Variants in ANKRD31 observed in about 807,000 individuals in gnomAD.
ANKRD31 encodes ankyrin repeat domain 31.
In ANKRD31, 147 loss-of-function variants were observed where a neutral mutation model predicts 186.0. That is an observed-to-expected ratio of 0.79 (90% CI 0.69 to 0.91). ANKRD31 has a LOEUF of 0.91. Among genes scored for constraint, ANKRD31 ranks in the 40% least tolerant of loss-of-function variants. The pLI is 0.00. For missense variants in ANKRD31, 1,986 were observed against 2,148.8 expected (o/e 0.92, Z 1.50); for synonymous variants, 673 against 736.4 (o/e 0.91, Z 1.39).
intron 4 of ANKRD31, among the ~76,000 whole-genome samples, chr5:75,208,626 T>C (rs1390845174): frequency 1.3e-5 from 2 of 152,190 alleles, no homozygotes; most frequent in Non-Finnish European, 2.9e-5. Flanking sequence ...GACAGGACAC[T>C]ATGTCCAGAC....
chr5:75,099,601 T>A (rs1746646537), intron 22 of ANKRD31, among the ~76,000 whole-genome samples: 1 of 152,138 alleles, frequency 6.6e-6, no homozygotes, highest in Non-Finnish European at 1.5e-5. Context: ...TATTGCTTCA[T>A]TTTCAGAGCC....
chr5:75,116,636 C>A lies in ANKRD31; in HGVS notation c.4085G>T (p.Cys1362Phe). Reference sequence around the variant, plus strand: ...TGAGTCAATAGTTTTGCCATCATCACAAAAACACTGTTTATGTCTTTTAGA... The same window carrying A: ...TGAGTCAATAGTTTTGCCATCATCAAAAAAACACTGTTTATGTCTTTTAGA... Reference protein sequence around the residue: ...VRSKRHKQCFCDDGKTIDSSS... With the variant: ...VRSKRHKQCFFDDGKTIDSSS... The change falls in exon 19 of 26, where the codon TGT (cysteine) becomes TTT (phenylalanine). Residue 1362 changes from cysteine to phenylalanine, a missense_variant. Cys to Phe is a radical substitution (Grantham distance 205). Transcript: ENST00000506364. 5.5e-6 allele frequency: 8 copies of A among 1,455,766 alleles called. No homozygotes were observed. The highest frequency in any genetic ancestry group is 7.3e-6 in the Non-Finnish European group (8 of 1,097,512). The allele number at this position is 1,455,766 out of a possible 1,614,324, so 90.2% of individuals were successfully genotyped here. A position where few individuals can be genotyped will look rare whatever the true frequency, so the allele number is the denominator to read the frequency against.
chr5:75,188,670 A>G (rs1580520546), intron 9 of ANKRD31, 22 bp from the exon 10 acceptor site: 16 of 1,507,272 alleles, frequency 1.1e-5, no homozygotes, highest in Non-Finnish European at 1.4e-5. Flanking sequence ...GAATGAACAA[A>G]AGAAAAAAAT....
chr5:75,085,327 G>T (rs80086243), intron 23 of ANKRD31, among the ~76,000 whole-genome samples: 1 of 151,802 alleles, frequency 6.6e-6, no homozygotes, highest in Non-Finnish European at 1.5e-5. Flanking sequence ...AGTGCCTGAC[G>T]ATACTGGATA....
intron 22 of ANKRD31, among the ~76,000 whole-genome samples, chr5:75,102,418 C>G (rs1413553019): frequency 6.6e-6 from 1 of 152,244 alleles, no homozygotes; most frequent in Non-Finnish European, 1.5e-5. Flanking sequence ...ATTCTCAGAT[C>G]TCAAGCTCCA....
At chr5:75,117,930 C>G (rs1288495522) in intron 18 of ANKRD31, among the ~76,000 whole-genome samples, 2 of 152,082 alleles carry the variant, frequency 1.3e-5, no homozygotes, top group Non-Finnish European at 2.9e-5. Context: ...CAACATGTAA[C>G]TCCAATCCAG....
chr5:75,192,805 C>T, intron 8 of ANKRD31, 29 bp from the exon 9 acceptor site: 1 of 1,454,314 alleles, frequency 6.9e-7, no homozygotes, highest in Non-Finnish European at 9.2e-7. Context: ...TTTTAAATGG[C>T]TATAACGGTT....
intron 7 of ANKRD31, among the ~76,000 whole-genome samples, chr5:75,195,005 A>G (rs910899382): frequency 1.3e-5 from 2 of 152,144 alleles, no homozygotes; most frequent in Non-Finnish European, 1.5e-5. Context: ...TTTAAAAACA[A>G]AGAAACTGTC....
intron 15 of ANKRD31, among the ~76,000 whole-genome samples, chr5:75,140,074 G>A (rs1750897582): frequency 6.6e-6 from 1 of 151,840 alleles, no homozygotes; most frequent in South Asian, 2.1e-4. Context: ...CATGGTGGTG[G>A]ATGCCTGTAA....
chr5:75,082,202 T>G (rs888470751), intron 24 of ANKRD31, among the ~76,000 whole-genome samples: 5 of 152,178 alleles, frequency 3.3e-5, no homozygotes, highest in African/African-American at 1.2e-4. Flanking sequence ...ATGGAGCCAG[T>G]TTTTATGACA....
chr5:75,141,127 A>G (rs1274708258), intron 15 of ANKRD31, among the ~76,000 whole-genome samples: 2 of 152,174 alleles, frequency 1.3e-5, no homozygotes, highest in Non-Finnish European at 2.9e-5. Flanking sequence ...TTCTTGCTCT[A>G]CTTCCTAAAT....
intron 3 of ANKRD31, among the ~76,000 whole-genome samples, chr5:75,214,532 G>A (rs1180775137): frequency 2.0e-5 from 3 of 152,150 alleles, no homozygotes; most frequent in African/African-American, 7.2e-5. Context: ...GCCCACGGGG[G>A]CTTTAAAAGA....
rs1478676597 is a variant in ANKRD31 at position 75,095,260 on chromosome 5, G to C, written c.5332-3859C>G. 3.9e-5 allele frequency among the ~76,000 whole-genome samples: 6 copies of C among 151,964 alleles called. No individual in the cohort carries two copies. The East Asian group carries it at 1.2e-3, about 29-fold the overall frequency. ...TGAGGCAGGTGGATCACAAGGTCAA[G>C]AGATCAAGACCATCCTGGCTAACAC... On this transcript the variant is annotated intron_variant, in intron 22 of 25. Transcript: ENST00000506364.
chr5:75,191,742 T>G (rs1755130077), intron 9 of ANKRD31, among the ~76,000 whole-genome samples: 1 of 152,084 alleles, frequency 6.6e-6, no homozygotes, highest in African/African-American at 2.4e-5. Context: ...TTTTTAAACT[T>G]TCTTCTTATA....
chr5:75,176,540 A>G (rs1331764521), intron 10 of ANKRD31, among the ~76,000 whole-genome samples: 1 of 152,170 alleles, frequency 6.6e-6, no homozygotes, highest in Admixed American at 6.5e-5. Flanking sequence ...CAAAACTTCC[A>G]GAGGAACAAT....
intron 10 of ANKRD31, among the ~76,000 whole-genome samples, chr5:75,178,033 A>G (rs1753958414): frequency 6.6e-6 from 1 of 152,188 alleles, no homozygotes; most frequent in Non-Finnish European, 1.5e-5. Flanking sequence ...AAAGGGATGG[A>G]GGAAGATCTA....
At chr5:75,200,328 T>C (rs1247847995) in intron 5 of ANKRD31, among the ~76,000 whole-genome samples, 1 of 150,838 alleles carries the variant, frequency 6.6e-6, no homozygotes, top group African/African-American at 2.4e-5. Context: ...AGATGGAGTC[T>C]CGCTCTGCAG....
In ANKRD31 at chr5:75,236,838, G is replaced by C; in HGVS notation, c.-152C>G. The C allele has an allele frequency of 1.6e-6, 1 of 620,738 alleles. No individual in the cohort carries two copies. The highest frequency in any genetic ancestry group is 2.5e-6 in the Non-Finnish European group (1 of 395,276). 38.5% of individuals were successfully genotyped at this position (620,738 alleles called of 1,614,324 possible). On this transcript the variant is annotated 5_prime_UTR_variant, in exon 1 of 26. Transcript: ENST00000506364. ...CCGGGACTTGTCGCAGGGCTGCTGAGGAGGACGCAGGCGGCCGCGAGCGCG... is the reference window on the plus strand; with the variant it reads ...CCGGGACTTGTCGCAGGGCTGCTGACGAGGACGCAGGCGGCCGCGAGCGCG...
chr5:75,192,813 G>T, intron 8 of ANKRD31, 37 bp from the exon 9 acceptor site: 3 of 1,419,860 alleles, frequency 2.1e-6, no homozygotes, highest in Non-Finnish European at 2.8e-6. Context: ...GGCTATAACG[G>T]TTTTTGCAAA....
Sources: gnomAD v4.1 joint callset for allele counts (sites outside exome capture counted in the v4.1 genomes callset) on GRCh38, gnomAD v4.1.1 for gene constraint, MANE v1.5 for transcripts, NCBI Gene and HGNC (gene_info 2026-07-23, HGNC 2026-07-21) for gene names.